Variants in CDK19 observed in about 807,000 individuals in gnomAD.
CDK19 encodes the protein cyclin-dependent kinase 19.
Under a neutral mutation model 68.3 loss-of-function variants are expected in CDK19, and 20 were observed. The observed-to-expected ratio is 0.29, with a 90% CI of 0.21 to 0.43. The LOEUF is 0.43. Ranked by LOEUF, CDK19 falls within the 20% of genes least tolerant of loss-of-function variation. CDK19 has a pLI of 1.00. For synonymous variants in CDK19, 221 were observed against 222.8 expected (o/e 0.99, Z 0.07); for missense variants, 339 against 623.5 (o/e 0.54, Z 4.86).
chr6:110,636,848 A>G (rs1044423057), intron 5 of CDK19, among the ~76,000 whole-genome samples: 4 of 152,258 alleles, frequency 2.6e-5, no homozygotes, highest in African/African-American at 9.6e-5. Context: ...AAGGGGAAAT[A>G]GCAATATTGT....
At chr6:110,655,427 C>T (rs1781251256) in intron 4 of CDK19, among the ~76,000 whole-genome samples, 1 of 151,812 alleles carries the variant, frequency 6.6e-6, no homozygotes, top group Non-Finnish European at 1.5e-5. Flanking sequence ...AAAATCTATA[C>T]CTCTAGGTCT....
chr6:110,805,320 A>G (rs1383347156), intron 1 of CDK19, among the ~76,000 whole-genome samples: 1 of 152,186 alleles, frequency 6.6e-6, no homozygotes, highest in Non-Finnish European at 1.5e-5. Flanking sequence ...AATATTATAT[A>G]GTCACAACAT....
At chr6:110,759,769 A>G (rs1201867975) in intron 1 of CDK19, among the ~76,000 whole-genome samples, 3 of 152,044 alleles carry the variant, frequency 2.0e-5, no homozygotes, top group African/African-American at 7.2e-5. Context: ...TTCCATATAA[A>G]TTGACCTGAA....
At position 110,621,396 on chromosome 6, in the gene CDK19, G is replaced by T. The variant is rs1461473873; in HGVS notation, c.1111-26C>A. The T allele has an allele frequency of 9.2e-6, 14 of 1,520,114 alleles. No individual in the cohort carries two copies. The highest frequency in any genetic ancestry group is 1.1e-5 in the Non-Finnish European group (12 of 1,136,698). The allele number at this position is 1,520,114 out of a possible 1,614,324, so 94.2% of individuals were successfully genotyped here. A position where few individuals can be genotyped will look rare whatever the true frequency, so the allele number is the denominator to read the frequency against. On this transcript the variant is annotated intron_variant, in intron 11 of 12. Transcript: ENST00000368911. The surrounding 1 kb of genome is among the most constrained non-coding windows in gnomAD (Gnocchi z 5.4). Reference sequence around the variant, plus strand: ...CTTTTAAGGGGAAAAAAGCAAGCTTGGTATGAAACCAAATTAACAGGAGCT... The same window carrying T: ...CTTTTAAGGGGAAAAAAGCAAGCTTTGTATGAAACCAAATTAACAGGAGCT...
chr6:110,710,091 T>C (rs991327793), intron 2 of CDK19, among the ~76,000 whole-genome samples: 12 of 152,174 alleles, frequency 7.9e-5, no homozygotes, highest in African/African-American at 2.4e-4. Context: ...AGATCACACA[T>C]AACAATGCAA....
At chr6:110,802,514 T>C (rs1039821028) in intron 1 of CDK19, among the ~76,000 whole-genome samples, 6 of 152,126 alleles carry the variant, frequency 3.9e-5, no homozygotes, top group African/African-American at 1.4e-4. Context: ...CGACAGACAC[T>C]GGGGACTCCA....
At chr6:110,663,683 C>A (rs1781749642) in intron 4 of CDK19, among the ~76,000 whole-genome samples, 1 of 152,146 alleles carries the variant, frequency 6.6e-6, no homozygotes, top group African/African-American at 2.4e-5. Flanking sequence ...AGGTATGCAC[C>A]ACCACACCCA....
At position 110,774,857 on chromosome 6, in the gene CDK19, G is replaced by A. The variant is rs865812346; in HGVS notation, c.129-28656C>T. The stretch of plus-strand genomic sequence containing the variant: ...CCAGCTACTTGGGAGGCTGAGGTGG[G>A]AGGATCACCTGAGTCCAGGAGGTTG... On this transcript the variant is annotated intron_variant, in intron 1 of 12. Coordinates refer to ENST00000368911, the MANE Select transcript of CDK19 (RefSeq NM_015076.5). 3.3e-5 allele frequency among the ~76,000 whole-genome samples: 5 copies of A among 152,304 alleles called. No homozygotes were observed. In the South Asian group the frequency reaches 1.0e-3, roughly 32 times the overall value.
chr6:110,743,270 T>C lies in CDK19; in HGVS notation c.204+2856A>G, dbSNP rs1300165706. 2.0e-5 allele frequency among the ~76,000 whole-genome samples: 3 copies of C among 152,194 alleles called. No individual in the cohort carries two copies. In the East Asian group the frequency reaches 5.8e-4, roughly 29 times the overall value. On this transcript the variant is annotated intron_variant, in intron 2 of 12. Coordinates refer to ENST00000368911, the MANE Select transcript of CDK19 (RefSeq NM_015076.5). ...CCCTATCATGTTGGGGTTAAGTATT[T>C]AGAGTACTGATAAAATGCTATTCAA...
chr6:110,672,925 G>A (rs1474590448), intron 2 of CDK19, among the ~76,000 whole-genome samples: 1 of 151,698 alleles, frequency 6.6e-6, no homozygotes, highest in East Asian at 1.9e-4. Context: ...TATACATAAT[G>A]TAAAATTTAC....
At chr6:110,627,354 G>GTA (rs141776550) in intron 6 of CDK19, among the ~76,000 whole-genome samples, 149 of 151,342 alleles carry the variant, frequency 9.8e-4, no homozygotes, top group African/African-American at 3.0e-3. Context: ...GTGTGTATGT[G>GTA]TATATATATA....
intron 1 of CDK19, chr6:110,813,719 G>C (rs1457669247): frequency 6.6e-6 from 1 of 152,200 alleles, no homozygotes; most frequent in Non-Finnish European, 1.5e-5. Context: ...TTATAATAGA[G>C]TTGTTTTATG....
intron 2 of CDK19, among the ~76,000 whole-genome samples, chr6:110,691,418 G>A (rs1772976689): frequency 1.3e-5 from 2 of 151,388 alleles, no homozygotes; most frequent in Admixed American, 1.3e-4. Context: ...AGGTTGCAGT[G>A]AGCTGAGATC....
At chr6:110,760,254 G>A (rs1411670453) in intron 1 of CDK19, among the ~76,000 whole-genome samples, 1 of 151,918 alleles carries the variant, frequency 6.6e-6, no homozygotes, top group Non-Finnish European at 1.5e-5. Context: ...AAATTAGCCA[G>A]GCATGGTGGC....
In CDK19 at chr6:110,611,331, G is replaced by A. The variant is rs1429263872; in HGVS notation, c.*3204C>T. 2.6e-5 allele frequency: 4 copies of A among 152,234 alleles called. No individual in the cohort carries two copies. The highest frequency in any genetic ancestry group is 9.6e-5 in the African/African-American group (4 of 41,454). The allele number at this position is 152,234 out of a possible 1,614,324, so 9.4% of individuals were successfully genotyped here. A position where few individuals can be genotyped will look rare whatever the true frequency, so the allele number is the denominator to read the frequency against. On this transcript the variant is annotated 3_prime_UTR_variant, in exon 13 of 13. Transcript: ENST00000368911. ...TAGTTTGGGTGTTCCCATAGGCTGA[G>A]GGATGCCCCTCCTGTACCCTTGGGG...
At chr6:110,688,414 C>T (rs559630624) in intron 2 of CDK19, among the ~76,000 whole-genome samples, 1 of 152,128 alleles carries the variant, frequency 6.6e-6, no homozygotes, top group East Asian at 1.9e-4. Flanking sequence ...GCATGCCTCT[C>T]CCACTAGGAA....
chr6:110,672,191 A>T (rs756409441), intron 2 of CDK19, among the ~76,000 whole-genome samples: 159 of 151,968 alleles, frequency 1.0e-3, no homozygotes, highest in Non-Finnish European at 1.3e-3. Context: ...CTTCTTTCTG[A>T]CTCCTTGATA....
chr6:110,809,033 C>T (rs1388483857), intron 1 of CDK19, among the ~76,000 whole-genome samples: 1 of 149,326 alleles, frequency 6.7e-6, no homozygotes, highest in African/African-American at 2.5e-5. Flanking sequence ...GGGGAAACCC[C>T]ATCTCTACTA....
At chr6:110,631,127 T>C (rs1223945401) in intron 6 of CDK19, among the ~76,000 whole-genome samples, 1 of 152,184 alleles carries the variant, frequency 6.6e-6, no homozygotes, top group Non-Finnish European at 1.5e-5. Context: ...CTTTATTAAA[T>C]AGAATTCAAC....
Sources: gnomAD v4.1 joint callset for allele counts (sites outside exome capture counted in the v4.1 genomes callset) on GRCh38, gnomAD v4.1.1 for gene constraint, Gnocchi (gnomAD v3.1) non-coding constraint, MANE v1.5 for transcripts, NCBI Gene and HGNC (gene_info 2026-07-23, HGNC 2026-07-21) for gene names.